DAB1: variants seen among roughly 807,000 people sequenced by gnomAD.
The protein encoded by DAB1 is DAB adaptor protein 1.
DAB1 carries 15 observed loss-of-function variants against 64.6 expected under a neutral mutation model. The ratio of observed to expected loss-of-function variants is 0.23; its 90% CI spans 0.16 to 0.36. The LOEUF (loss-of-function observed/expected upper bound fraction) is 0.36, where lower values mean the gene tolerates loss of function less well. Ranked by LOEUF, DAB1 falls within the 10% of genes least tolerant of loss-of-function variation. The probability of loss-of-function intolerance (pLI) is 1.00; values close to 1 mark genes in which losing one functional copy is unlikely to be tolerated. For missense variants in DAB1, 596 were observed against 706.7 expected (o/e 0.84, Z 1.78); for synonymous variants, 235 against 251.9 (o/e 0.93, Z 0.64).
chr1:57,583,012 G>A (rs888160908), intron 7 of DAB1, among the ~76,000 whole-genome samples: 1 of 152,180 alleles, frequency 6.6e-6, no homozygotes, highest in Non-Finnish European at 1.5e-5. Flanking sequence ...GTGAAGCAGG[G>A]CTGCCTTTTT....
intron 3 of DAB1, among the ~76,000 whole-genome samples, chr1:57,138,897 G>T (rs1658351916): frequency 6.6e-6 from 1 of 152,158 alleles, no homozygotes; most frequent in Non-Finnish European, 1.5e-5. Context: ...CAAAAGTTCA[G>T]TTGTGCATGG....
chr1:57,067,104 C>T (rs775450588), intron 8 of DAB1, among the ~76,000 whole-genome samples: 12 of 152,124 alleles, frequency 7.9e-5, no homozygotes, highest in Admixed American at 5.9e-4. Flanking sequence ...GTAAATTGAG[C>T]CCCAGCAGAC....
rs577080170 is a variant in DAB1 at position 57,001,131 on chromosome 1, G to C, written c.*16-3003C>G. On this transcript the variant is annotated intron_variant, in intron 14 of 14. Transcript: ENST00000371236. ...CAATAGCTGTACCTTCCTTATTATG[G>C]AATCTTAGACTGTCAGACTTAGAGG... 3.3e-5 allele frequency among the ~76,000 whole-genome samples: 5 copies of C among 152,252 alleles called. No homozygotes were observed. The East Asian group carries it at 9.6e-4, about 29-fold the overall frequency.
chr1:57,447,509 A>AT (rs1296106413), intron 7 of DAB1, among the ~76,000 whole-genome samples: 3 of 152,168 alleles, frequency 2.0e-5, no homozygotes, highest in Non-Finnish European at 2.9e-5. Context: ...CTCCCTCAAT[A>AT]TACTTCATTA....
intron 5 of DAB1, among the ~76,000 whole-genome samples, chr1:57,900,989 T>C (rs941249560): frequency 2.2e-4 from 33 of 152,106 alleles, no homozygotes; most frequent in Non-Finnish European, 2.9e-5. Context: ...AAATAATGTA[T>C]GGTGCAAGAA....
intron 6 of DAB1, among the ~76,000 whole-genome samples, chr1:57,740,442 C>T (rs1647930143): frequency 6.6e-6 from 1 of 152,108 alleles, no homozygotes; most frequent in Non-Finnish European, 1.5e-5. Flanking sequence ...CAGCCCACAT[C>T]CGAGTATTGT....
chr1:57,293,880 T>C (rs1672983193), intron 1 of DAB1, among the ~76,000 whole-genome samples: 3 of 152,168 alleles, frequency 2.0e-5, no homozygotes, highest in Admixed American at 2.0e-4. Flanking sequence ...AGATGTTTGT[T>C]CAACAAAATA....
intron 2 of DAB1, among the ~76,000 whole-genome samples, chr1:57,159,265 A>G (rs1660517268): frequency 6.6e-6 from 1 of 152,194 alleles, no homozygotes; most frequent in African/African-American, 2.4e-5. Context: ...ATAACAAAAG[A>G]AAATGATCAT....
chr1:57,558,758 C>T (rs1645018199), intron 7 of DAB1, among the ~76,000 whole-genome samples: 1 of 151,960 alleles, frequency 6.6e-6, no homozygotes, highest in Non-Finnish European at 1.5e-5. Context: ...AAAAGATGGC[C>T]CATTGTGAGT....
intron 7 of DAB1, among the ~76,000 whole-genome samples, chr1:57,512,051 C>T (rs936380468): frequency 2.0e-5 from 3 of 152,192 alleles, no homozygotes; most frequent in Non-Finnish European, 4.4e-5. Flanking sequence ...AAACTATGTC[C>T]TCCATTTTAA....
intron 5 of DAB1, among the ~76,000 whole-genome samples, chr1:58,068,479 T>C (rs1341905188): frequency 6.6e-6 from 1 of 152,136 alleles, no homozygotes; most frequent in Non-Finnish European, 1.5e-5. Context: ...AAAAGCACCA[T>C]GATCGCCTGG....
intron 4 of DAB1, among the ~76,000 whole-genome samples, chr1:58,315,057 T>C (rs1488492005): frequency 6.6e-6 from 1 of 152,234 alleles, no homozygotes; most frequent in African/African-American, 2.4e-5. Context: ...GGACCAGAGC[T>C]AAACTGTGAA....
chr1:57,812,358 A>G (rs570504907), intron 6 of DAB1, among the ~76,000 whole-genome samples: 2 of 152,070 alleles, frequency 1.3e-5, no homozygotes, highest in Non-Finnish European at 2.9e-5. Flanking sequence ...AAAGAAAAGA[A>G]AGAAAGAAAA....
At chr1:57,257,401 T>C (rs1207600450) in intron 2 of DAB1, among the ~76,000 whole-genome samples, 1 of 152,218 alleles carries the variant, frequency 6.6e-6, no homozygotes, top group Non-Finnish European at 1.5e-5. Flanking sequence ...TGCCTAGCAT[T>C]TTCTTTGTAA....
chr1:57,716,130 G>A (rs545403839), intron 6 of DAB1, among the ~76,000 whole-genome samples: 2 of 152,164 alleles, frequency 1.3e-5, no homozygotes, highest in East Asian at 1.9e-4. Flanking sequence ...GGCTGGTCTC[G>A]AACTCCTGAC....
At chr1:58,531,046 T>C (rs527487449) in intron 1 of DAB1, among the ~76,000 whole-genome samples, 6 of 152,218 alleles carry the variant, frequency 3.9e-5, no homozygotes, top group Non-Finnish European at 8.8e-5. Flanking sequence ...CATTTATAGA[T>C]AATGAAACTG....
chr1:57,141,111 C>T (rs866216505), intron 3 of DAB1, among the ~76,000 whole-genome samples: 14 of 152,298 alleles, frequency 9.2e-5, no homozygotes, highest in Middle Eastern at 3.4e-3. Flanking sequence ...GCCCGGTCTC[C>T]ATTCTCCATT....
chr1:57,208,178 TCC>T (rs765472694), intron 2 of DAB1, among the ~76,000 whole-genome samples: 3 of 152,160 alleles, frequency 2.0e-5, no homozygotes, highest in Non-Finnish European at 4.4e-5. Flanking sequence ...TAAAACACAC[TCC>T]TCAGATTTTT....
At position 57,768,753 on chromosome 1, in the gene DAB1, C is replaced by T. The variant is rs906642748; in HGVS notation, n.551+115246G>A. Among the ~76,000 whole-genome samples, 13 of 152,090 alleles carry T rather than the reference C, an allele frequency of 8.5e-5. No homozygotes were observed. In the East Asian group the frequency reaches 1.2e-3, roughly 14 times the overall value. On this transcript the variant is annotated intron_variant and non_coding_transcript_variant, in intron 6 of 20. Coordinates refer to the DAB1 transcript ENST00000485760. ...AGCTTCTTGTGCCCCACACAAGCCCCGCAGCAGGGTTCAGCACTTCTCTTT... is the reference window on the plus strand; with the variant it reads ...AGCTTCTTGTGCCCCACACAAGCCCTGCAGCAGGGTTCAGCACTTCTCTTT...
Sources: allele counts gnomAD v4.1 joint callset (sites outside exome capture counted in the v4.1 genomes callset), GRCh38; gene constraint gnomAD v4.1.1; transcripts MANE v1.5; gene names NCBI Gene and HGNC (gene_info 2026-07-23, HGNC 2026-07-21).